IQSEC1: variants seen among roughly 807,000 people sequenced by gnomAD.
The protein encoded by IQSEC1 is IQ motif and Sec7 domain ArfGEF 1.
In IQSEC1, 31 loss-of-function variants were observed where a neutral mutation model predicts 91.0. The ratio of observed to expected loss-of-function variants is 0.34; its 90% CI spans 0.26 to 0.46. The LOEUF is 0.46. Ranked by LOEUF, IQSEC1 falls within the 20% of genes least tolerant of loss-of-function variation. The pLI is 1.00. For missense variants in IQSEC1, 1,388 were observed against 1,575.6 expected (o/e 0.88, Z 2.02); for synonymous variants, 699 against 662.6 (o/e 1.05, Z -0.84).
At chr3:13,213,794 G>C (rs1049125876) in intron 1 of IQSEC1, among the ~76,000 whole-genome samples, 2 of 152,118 alleles carry the variant, frequency 1.3e-5, no homozygotes, top group African/African-American at 4.8e-5. Context: ...AAAAGATGCT[G>C]CACATGGCTG....
chr3:13,106,607 C>T (rs73812887), intron 2 of IQSEC1, among the ~76,000 whole-genome samples: 3,189 of 152,274 alleles, frequency 0.021, 116 homozygotes, highest in African/African-American at 0.071. Flanking sequence ...GCCCTTAACC[C>T]TTAGGCAGCA....
intron 1 of IQSEC1, among the ~76,000 whole-genome samples, chr3:13,043,902 C>T (rs1309263873): frequency 3.3e-5 from 5 of 152,218 alleles, no homozygotes; most frequent in Non-Finnish European, 7.3e-5. Context: ...CCCCACTCCC[C>T]CTCAGATGAG....
chr3:13,199,855 A>G (rs1694206934), intron 1 of IQSEC1, among the ~76,000 whole-genome samples: 1 of 151,858 alleles, frequency 6.6e-6, no homozygotes, highest in Non-Finnish European at 1.5e-5. Context: ...AAGGGAAACC[A>G]GCACACCACA....
At chr3:12,971,753 G>A (rs181492170) in intron 1 of IQSEC1, among the ~76,000 whole-genome samples, 1 of 152,130 alleles carries the variant, frequency 6.6e-6, no homozygotes, top group Admixed American at 6.5e-5. Context: ...TTTTAAACAA[G>A]TGTTTGTTAC....
chr3:12,937,755 A>T (rs1401109969), intron 2 of IQSEC1, among the ~76,000 whole-genome samples: 1 of 152,184 alleles, frequency 6.6e-6, no homozygotes, highest in Non-Finnish European at 1.5e-5. Context: ...CTGGGAAGGG[A>T]TTTACAGTTC....
chr3:13,123,773 G>C (rs1331881941), intron 2 of IQSEC1, among the ~76,000 whole-genome samples: 1 of 152,170 alleles, frequency 6.6e-6, no homozygotes, highest in African/African-American at 2.4e-5. Flanking sequence ...CTGTGCTCCC[G>C]CCCAACCCAG....
intron 2 of IQSEC1, among the ~76,000 whole-genome samples, chr3:13,148,254 T>A (rs538927773): frequency 1.2e-4 from 18 of 152,168 alleles, no homozygotes; most frequent in Non-Finnish European, 2.4e-4. Context: ...ATAGAGACAC[T>A]CATCATCGCC....
intron 1 of IQSEC1, among the ~76,000 whole-genome samples, chr3:13,265,193 T>C (rs1458993022): frequency 1.3e-5 from 2 of 152,216 alleles, no homozygotes; most frequent in Non-Finnish European, 2.9e-5. Context: ...CAAAGGCTCT[T>C]TCCCTGCGAG....
chr3:12,984,399 G>A (rs360745), intron 1 of IQSEC1, among the ~76,000 whole-genome samples: 43,573 of 152,124 alleles, frequency 0.29, 7,144 homozygotes, highest in Non-Finnish European at 0.36. Flanking sequence ...CAGGCCCAGG[G>A]CTGAGCTAAC....
intron 2 of IQSEC1, among the ~76,000 whole-genome samples, chr3:13,145,244 T>G (rs1280255282): frequency 6.6e-6 from 1 of 152,050 alleles, no homozygotes; most frequent in African/African-American, 2.4e-5. Context: ...ATCTAAAGTG[T>G]GGTGATAATG....
At chr3:13,234,904 T>C (rs1694900468) in intron 1 of IQSEC1, among the ~76,000 whole-genome samples, 1 of 152,166 alleles carries the variant, frequency 6.6e-6, no homozygotes, top group Non-Finnish European at 1.5e-5. Flanking sequence ...CAGTGTTGGT[T>C]GTCAAATGTG....
chr3:12,917,758 A>C (rs543583062), intron 6 of IQSEC1, among the ~76,000 whole-genome samples: 1 of 152,346 alleles, frequency 6.6e-6, no homozygotes, highest in East Asian at 1.9e-4. Flanking sequence ...GGTAAATATC[A>C]AGGAGCACAA....
intron 1 of IQSEC1, among the ~76,000 whole-genome samples, chr3:13,199,981 CAT>C (rs1694210400): frequency 6.7e-6 from 1 of 149,202 alleles, no homozygotes; most frequent in African/African-American, 2.5e-5. Flanking sequence ...ACACCACATA[CAT>C]ATGCCACACA....
At chr3:13,026,468 C>T (rs1576184746) in intron 1 of IQSEC1, among the ~76,000 whole-genome samples, 1 of 152,236 alleles carries the variant, frequency 6.6e-6, no homozygotes, top group Admixed American at 6.5e-5. Flanking sequence ...TGTTCCTTCA[C>T]CCAGTCAACA....
intron 2 of IQSEC1, among the ~76,000 whole-genome samples, chr3:13,128,876 C>CAAAAAAAA (rs34011478): frequency 4.6e-5 from 4 of 87,456 alleles, no homozygotes; most frequent in African/African-American, 1.3e-4. Context: ...GACTCTGTCT[C>CAAAAAAAA]AAAAAAAAAA....
Position 13,008,061 on chromosome 3 carries a change from A to G in IQSEC1, c.23+64931T>C, listed in dbSNP as rs1272949952. 6.6e-6 allele frequency among the ~76,000 whole-genome samples: 1 copy of G among 152,198 alleles called. No homozygotes were observed. Among genetic ancestry groups the G allele is most frequent in the Non-Finnish European group, 1.5e-5 (1 of 68,020 alleles). On this transcript the variant is annotated intron_variant, in intron 1 of 13. Transcript: ENST00000613206. This position sits in a 1 kb window ranked among gnomAD's most constrained non-coding sequence, Gnocchi z 4.1. ...AACTACCCTTCCATAAGCCCACCCC[A>G]GGAACCCCAGGGAGGGGCCAGGTGC... is the stretch of plus-strand genomic sequence containing the variant.
At chr3:13,042,979 C>G (rs1347748181) in intron 1 of IQSEC1, among the ~76,000 whole-genome samples, 1 of 152,160 alleles carries the variant, frequency 6.6e-6, no homozygotes, top group Non-Finnish European at 1.5e-5. Flanking sequence ...CACCATGTAG[C>G]CACATGGTGC....
chr3:12,997,294 CA>C (rs1322034422), intron 1 of IQSEC1, among the ~76,000 whole-genome samples: 1 of 152,034 alleles, frequency 6.6e-6, no homozygotes, highest in Non-Finnish European at 1.5e-5. Flanking sequence ...TATGCCGAAA[CA>C]AAAAAACTCT....
At chr3:13,146,920 G>A (rs867527320) in intron 2 of IQSEC1, among the ~76,000 whole-genome samples, 5 of 152,174 alleles carry the variant, frequency 3.3e-5, no homozygotes, top group South Asian at 2.1e-4. Context: ...CAAGGGTCCC[G>A]AGGGCCAGCC....
Sources: allele counts gnomAD v4.1 joint callset (sites outside exome capture counted in the v4.1 genomes callset), GRCh38; gene constraint gnomAD v4.1.1; non-coding constraint Gnocchi (gnomAD v3.1); transcripts MANE v1.5; gene names NCBI Gene and HGNC (gene_info 2026-07-23, HGNC 2026-07-21).